Variants in MDGA2 observed in about 807,000 individuals in gnomAD.
The protein encoded by MDGA2 is MAM domain-containing glycosylphosphatidylinositol anchor protein 2.
Under a neutral mutation model 117.8 loss-of-function variants are expected in MDGA2, and 40 were observed. That is an observed-to-expected ratio of 0.34 (90% CI 0.26 to 0.44). The LOEUF (loss-of-function observed/expected upper bound fraction) is 0.44, where lower values mean the gene tolerates loss of function less well. MDGA2 is among the 20% of genes least tolerant of loss of function. MDGA2 has a pLI of 1.00. For missense variants in MDGA2, 1,123 were observed against 1,250.6 expected (o/e 0.90, Z 1.54); for synonymous variants, 452 against 439.0 (o/e 1.03, Z -0.37).
At chr14:47,059,183 T>A in intron 7 of MDGA2, 1 of 791,766 alleles carries the variant, frequency 1.3e-6, no homozygotes, top group Non-Finnish European at 1.7e-6. Context: ...TTAATAATTA[T>A]CTGTTTAGTA....
At chr14:47,286,906 T>C (rs973833607) in intron 2 of MDGA2, among the ~76,000 whole-genome samples, 4 of 149,730 alleles carry the variant, frequency 2.7e-5, no homozygotes, top group Admixed American at 2.0e-4. Flanking sequence ...CTCTAAGAAT[T>C]TGTAGTTCAC....
chr14:47,087,474 A>T (rs1480431279), intron 6 of MDGA2, among the ~76,000 whole-genome samples: 1 of 151,434 alleles, frequency 6.6e-6, no homozygotes, highest in Non-Finnish European at 1.5e-5. Flanking sequence ...AAAAAAAAAA[A>T]AAAAAAAAAG....
At chr14:47,644,197 T>C (rs1392465480) in intron 1 of MDGA2, among the ~76,000 whole-genome samples, 1 of 152,148 alleles carries the variant, frequency 6.6e-6, no homozygotes, top group Non-Finnish European at 1.5e-5. Context: ...AATATGTTGC[T>C]TTATATGGCA....
At chr14:47,529,590 T>G (rs981336217) in intron 1 of MDGA2, among the ~76,000 whole-genome samples, 51 of 152,156 alleles carry the variant, frequency 3.4e-4, no homozygotes, top group African/African-American at 1.1e-3. Flanking sequence ...ATTAAAAATC[T>G]CTCTTTCTAA....
intron 3 of MDGA2, among the ~76,000 whole-genome samples, chr14:47,171,272 C>A (rs966608196): frequency 7.9e-5 from 12 of 152,086 alleles, no homozygotes; most frequent in African/African-American, 2.9e-4. Flanking sequence ...GTACATAATA[C>A]AAACTATTTT....
rs1486873811 is a variant in MDGA2 at position 47,133,336 on chromosome 14, A to T, written c.793-1490T>A. ...GGCTTAGCTAGAAAGAACAGTTGAA[A>T]GAAAATGATATGCTAGAATTAGTCA... On this transcript the variant is annotated intron_variant, in intron 4 of 16. Transcript: ENST00000399232. Among the ~76,000 whole-genome samples, 5 of 152,076 alleles carry T rather than the reference A, an allele frequency of 3.3e-5. No individual in the cohort carries two copies. In the South Asian group the frequency reaches 1.0e-3, roughly 32 times the overall value.
intron 1 of MDGA2, among the ~76,000 whole-genome samples, chr14:47,404,568 C>T (rs1459205042): frequency 6.6e-6 from 1 of 152,076 alleles, no homozygotes; most frequent in Non-Finnish European, 1.5e-5. Context: ...GATCATGGCT[C>T]ATGGGAACCT....
At chr14:47,168,698 A>G (rs2139309027) in intron 3 of MDGA2, among the ~76,000 whole-genome samples, 1 of 152,218 alleles carries the variant, frequency 6.6e-6, no homozygotes, top group African/African-American at 2.4e-5. Context: ...CTATCAACCA[A>G]GTTCATTTTA....
At chr14:46,874,957 A>T (rs1400044385) in intron 12 of MDGA2, among the ~76,000 whole-genome samples, 6 of 151,796 alleles carry the variant, frequency 4.0e-5, no homozygotes, top group Non-Finnish European at 8.8e-5. Context: ...CTGCTTGAAA[A>T]AAATAGGTAT....
intron 1 of MDGA2, among the ~76,000 whole-genome samples, chr14:47,490,936 A>T (rs1473895917): frequency 6.6e-6 from 1 of 152,030 alleles, no homozygotes; most frequent in African/African-American, 2.4e-5. Context: ...AGAGGGAACA[A>T]CATTTCACAG....
At position 47,353,279 on chromosome 14, in the gene MDGA2, T is replaced by C. The variant is rs1266462112; in HGVS notation, c.281-51729A>G. Among the ~76,000 whole-genome samples the C allele has an allele frequency of 2.6e-5, 4 of 152,222 alleles. 1 individual carries two copies. The South Asian group carries it at 6.2e-4, about 24-fold the overall frequency. Reference sequence around the variant, plus strand: ...AGGAAAGGTGAAATGAAAATGCATATACTTTCTAGAAGGGAAAGTCCCTAC... The same window carrying C: ...AGGAAAGGTGAAATGAAAATGCATACACTTTCTAGAAGGGAAAGTCCCTAC... On this transcript the variant is annotated intron_variant, in intron 1 of 16. Transcript: ENST00000399232.
intron 1 of MDGA2, among the ~76,000 whole-genome samples, chr14:47,440,913 C>T (rs996177054): frequency 6.6e-6 from 1 of 152,028 alleles, no homozygotes; most frequent in African/African-American, 2.4e-5. Context: ...AAGGGTACAG[C>T]TAATAACTGA....
At chr14:47,154,154 T>C (rs1225451128) in intron 3 of MDGA2, among the ~76,000 whole-genome samples, 1 of 152,132 alleles carries the variant, frequency 6.6e-6, no homozygotes. Flanking sequence ...GCAGAGAGAG[T>C]TTGTTTTTCC....
rs375435624 is a variant in MDGA2 at position 47,575,149 on chromosome 14, C to T, written c.280+99368G>A. On this transcript the variant is annotated intron_variant, in intron 1 of 16. Transcript: ENST00000399232. ...ATTTCTAATCATTGTGTCCATTTTA[C>T]AAAACGCAATCAATATATTAACTTT... is the stretch of plus-strand genomic sequence containing the variant. Among the ~76,000 whole-genome samples, 230 of 152,188 alleles carry T rather than the reference C, an allele frequency of 1.5e-3. 1 individual carries two copies. The Middle Eastern group carries it at 0.024, about 16-fold the overall frequency.
intron 2 of MDGA2, among the ~76,000 whole-genome samples, chr14:47,284,790 A>G (rs1175504307): frequency 6.6e-6 from 1 of 151,220 alleles, no homozygotes; most frequent in Non-Finnish European, 1.5e-5. Flanking sequence ...GTGGTAAGAA[A>G]CTGCCTAAGA....
intron 2 of MDGA2, among the ~76,000 whole-genome samples, chr14:47,266,376 C>T (rs554959955): frequency 2.6e-5 from 4 of 152,256 alleles, no homozygotes; most frequent in African/African-American, 9.6e-5. Flanking sequence ...GTCTCAGACA[C>T]GTTCATCTCC....
intron 1 of MDGA2, among the ~76,000 whole-genome samples, chr14:47,534,622 A>G (rs548160961): frequency 6.6e-6 from 1 of 152,230 alleles, no homozygotes; most frequent in African/African-American, 2.4e-5. Context: ...TCATGCTCCA[A>G]TCACCTCCCA....
At chr14:47,621,424 A>G (rs935049416) in intron 1 of MDGA2, among the ~76,000 whole-genome samples, 7 of 152,104 alleles carry the variant, frequency 4.6e-5, no homozygotes, top group Admixed American at 4.6e-4. Flanking sequence ...TCCTGGGTTC[A>G]AATGATCCTC....
chr14:47,389,528 T>C (rs957432374), intron 1 of MDGA2, among the ~76,000 whole-genome samples: 3 of 151,702 alleles, frequency 2.0e-5, no homozygotes, highest in African/African-American at 7.3e-5. Flanking sequence ...AATAAATAAA[T>C]GAAAAATAAA....
Sources: gnomAD v4.1 joint callset for allele counts (sites outside exome capture counted in the v4.1 genomes callset) on GRCh38, gnomAD v4.1.1 for gene constraint, MANE v1.5 for transcripts, NCBI Gene and HGNC (gene_info 2026-07-23, HGNC 2026-07-21) for gene names.